The following ADAMTS2 variants were observed in gnomAD, a reference collection of about 807,000 sequenced individuals.
ADAMTS2 encodes ADAM metallopeptidase with thrombospondin type 1 motif 2, also known as A disintegrin and metalloproteinase with thrombospondin motifs 2.
ADAMTS2 carries 50 observed loss-of-function variants against 123.0 expected under a neutral mutation model. The observed-to-expected ratio is 0.41, with a 90% CI of 0.32 to 0.51. ADAMTS2 has a LOEUF of 0.51. Ranked by LOEUF, ADAMTS2 falls within the 20% of genes least tolerant of loss-of-function variation. ADAMTS2 has a pLI of 0.35. For missense variants in ADAMTS2, 1,494 were observed against 1,705.2 expected (o/e 0.88, Z 2.18); for synonymous variants, 678 against 695.4 (o/e 0.98, Z 0.39).
Position 179,261,650 on chromosome 5 carries a change from T to C in ADAMTS2, c.688+11261A>G, listed in dbSNP as rs995996302. 5.3e-5 allele frequency among the ~76,000 whole-genome samples: 8 copies of C among 152,344 alleles called. No individual in the cohort carries two copies. The South Asian group carries it at 6.2e-4, about 12-fold the overall frequency. The stretch of plus-strand genomic sequence containing the variant: ...CATTCCAGCTGTCTCGGGCAGCTTT[T>C]GTGTGGGGAACAGCTGGTAGCGCTG... On this transcript the variant is annotated intron_variant, in intron 3 of 21. Transcript: ENST00000251582.
chr5:179,254,576 G>GTCTT (rs1291440572), intron 3 of ADAMTS2, among the ~76,000 whole-genome samples: 9 of 152,252 alleles, frequency 5.9e-5, no homozygotes, highest in African/African-American at 2.2e-4. Flanking sequence ...CTTGTAGGAG[G>GTCTT]TCAGAAGAGG....
At chr5:179,143,429 GA>G (rs546474818) in intron 10 of ADAMTS2, among the ~76,000 whole-genome samples, 4,374 of 77,172 alleles carry the variant, frequency 0.057, 178 homozygotes, top group African/African-American at 0.17. Context: ...ACTCTGTCTC[GA>G]AAAAAAAAAA....
At chr5:179,246,722 C>CT (rs1765808028) in intron 3 of ADAMTS2, among the ~76,000 whole-genome samples, 1 of 152,190 alleles carries the variant, frequency 6.6e-6, no homozygotes, top group African/African-American at 2.4e-5. Flanking sequence ...CAGAACCAAT[C>CT]TACAAAGACG....
chr5:179,266,315 T>C (rs1166628805), intron 3 of ADAMTS2, among the ~76,000 whole-genome samples: 2 of 152,156 alleles, frequency 1.3e-5, no homozygotes, highest in Non-Finnish European at 2.9e-5. Flanking sequence ...TCAGGGGTCT[T>C]GAGATGGGGA....
rs1043508486 is a variant in ADAMTS2, at chr5:179,293,925, G to T, written c.535-20861C>A. Reference sequence around the variant, plus strand: ...GTGTGAGCCACCGCACCTGGCCAAGGTTTTTTTGTTTTTTTGTTTTTTTGT... The same window carrying T: ...GTGTGAGCCACCGCACCTGGCCAAGTTTTTTTTGTTTTTTTGTTTTTTTGT... On this transcript the variant is annotated intron_variant, in intron 2 of 21. Coordinates refer to ENST00000251582, the MANE Select transcript of ADAMTS2 (RefSeq NM_014244.5). 2.6e-5 allele frequency among the ~76,000 whole-genome samples: 4 copies of T among 151,718 alleles called. No individual in the cohort carries two copies. The East Asian group carries it at 5.9e-4, about 22-fold the overall frequency.
chr5:179,212,868 T>G (rs1014209455), intron 3 of ADAMTS2, among the ~76,000 whole-genome samples: 1 of 152,156 alleles, frequency 6.6e-6, no homozygotes, highest in South Asian at 2.1e-4. Flanking sequence ...CGCTGTCCCC[T>G]GTGCGAAGCT....
intron 10 of ADAMTS2, among the ~76,000 whole-genome samples, chr5:179,149,476 G>C (rs1485259095): frequency 2.0e-5 from 3 of 152,196 alleles, no homozygotes; most frequent in South Asian, 2.1e-4. Flanking sequence ...ACCGTGGAAG[G>C]CTGCGGCCGG....
rs1296876495 is a variant in ADAMTS2 at position 179,228,132 on chromosome 5, G to A, written c.689-20417C>T. Among the ~76,000 whole-genome samples the A allele has an allele frequency of 6.6e-6, 1 of 152,210 alleles. No individual in the cohort carries two copies. Among genetic ancestry groups the A allele is most frequent in the Non-Finnish European group, 1.5e-5 (1 of 68,022 alleles). ...AGACACCCATGAGACACTCAGGCAG[G>A]AGTGGTCTGGAGCACAGAGAGAGGG... On this transcript the variant is annotated intron_variant, in intron 3 of 21. Coordinates refer to ENST00000251582, the MANE Select transcript of ADAMTS2 (RefSeq NM_014244.5). This position sits in a 1 kb window ranked among gnomAD's most constrained non-coding sequence, Gnocchi z 5.2.
At chr5:179,261,846 G>A (rs763091346) in intron 3 of ADAMTS2, among the ~76,000 whole-genome samples, 7 of 152,150 alleles carry the variant, frequency 4.6e-5, no homozygotes, top group Non-Finnish European at 7.4e-5. Flanking sequence ...AAGCTGGACC[G>A]GTCCTGCTAG....
chr5:179,171,297 C>T (rs1029094015), intron 5 of ADAMTS2, among the ~76,000 whole-genome samples: 4 of 152,140 alleles, frequency 2.6e-5, no homozygotes, highest in East Asian at 1.9e-4. Flanking sequence ...GTCCCACAGA[C>T]GCTGCTCCCA....
At chr5:179,316,867 G>T (rs1304723071) in intron 2 of ADAMTS2, among the ~76,000 whole-genome samples, 1 of 152,202 alleles carries the variant, frequency 6.6e-6, no homozygotes, top group Non-Finnish European at 1.5e-5. Flanking sequence ...CCATGAACCA[G>T]GAGGTCAAGG....
At chr5:179,329,827 T>C (rs1757432042) in intron 2 of ADAMTS2, among the ~76,000 whole-genome samples, 1 of 152,066 alleles carries the variant, frequency 6.6e-6, no homozygotes, top group Non-Finnish European at 1.5e-5. Flanking sequence ...CCACCAGCCA[T>C]TAAAGAAACA....
Position 179,114,265 on chromosome 5 carries a change from A to G in ADAMTS2, c.3238T>C (p.Cys1080Arg). ...AGCTTGTTGTAGCCTGGGATGGAGCAATAGCGGGACAAGACTTCCATCCTA... is the reference window on the plus strand; with the variant it reads ...AGCTTGTTGTAGCCTGGGATGGAGCGATAGCGGGACAAGACTTCCATCCTA... ...FCRMEVLSRY[C>R]SIPGYNKLCC... Residue 1080 changes from cysteine to arginine, a missense_variant, in exon 22 of 22, where the codon TGC (cysteine) becomes CGC (arginine). By Grantham distance (180) the Cys-to-Arg change is radical. Coordinates refer to ENST00000251582, the MANE Select transcript of ADAMTS2 (RefSeq NM_014244.5). The G allele has an allele frequency of 6.2e-7, 1 of 1,614,186 alleles. No individual in the cohort carries two copies. Among genetic ancestry groups the G allele is most frequent in the South Asian group, 1.1e-5 (1 of 91,076 alleles).
intron 5 of ADAMTS2, among the ~76,000 whole-genome samples, chr5:179,167,584 C>G (rs1050442921): frequency 6.6e-6 from 1 of 151,990 alleles, no homozygotes; most frequent in African/African-American, 2.4e-5. Context: ...TGGAACCGCG[C>G]CCGCCCCGCC....
At chr5:179,327,640 C>G (rs1395355973) in intron 2 of ADAMTS2, among the ~76,000 whole-genome samples, 2 of 152,138 alleles carry the variant, frequency 1.3e-5, no homozygotes, top group African/African-American at 2.4e-5. Context: ...AAAGGAAAGC[C>G]GTGCCACCGT....
At chr5:179,147,611 G>C (rs1763274545) in intron 10 of ADAMTS2, among the ~76,000 whole-genome samples, 1 of 152,208 alleles carries the variant, frequency 6.6e-6, no homozygotes, top group African/African-American at 2.4e-5. Flanking sequence ...ATTCTGCAAT[G>C]ACCCTAGATG....
chr5:179,228,091 G>C lies in ADAMTS2; in HGVS notation c.689-20376C>G, dbSNP rs1765328442. On this transcript the variant is annotated intron_variant, in intron 3 of 21. Coordinates refer to ENST00000251582, the MANE Select transcript of ADAMTS2 (RefSeq NM_014244.5). The surrounding 1 kb of genome is among the most constrained non-coding windows in gnomAD (Gnocchi z 5.2). ...TGGGGCGTGTTGGGCTGAGATTTCT[G>C]TGGGGACACAAGGACAGACACCCAT... Among the ~76,000 whole-genome samples the C allele has an allele frequency of 6.6e-6, 1 of 152,160 alleles. No individual in the cohort carries two copies. Among genetic ancestry groups the C allele is most frequent in the Non-Finnish European group, 1.5e-5 (1 of 68,026 alleles).
intron 4 of ADAMTS2, among the ~76,000 whole-genome samples, chr5:179,205,684 T>C (rs1035989852): frequency 5.3e-5 from 8 of 152,208 alleles, no homozygotes; most frequent in African/African-American, 1.9e-4. Flanking sequence ...TAATTTAGCA[T>C]GGCAAGTGCC....
intron 4 of ADAMTS2, among the ~76,000 whole-genome samples, chr5:179,205,889 A>C (rs1764676785): frequency 6.6e-6 from 1 of 151,926 alleles, no homozygotes; most frequent in South Asian, 2.1e-4. Flanking sequence ...CTCCTGCCTC[A>C]GCCTCCTGAG....
Sources: allele counts gnomAD v4.1 joint callset (sites outside exome capture counted in the v4.1 genomes callset), GRCh38; gene constraint gnomAD v4.1.1; non-coding constraint Gnocchi (gnomAD v3.1); transcripts MANE v1.5; gene names NCBI Gene and HGNC (gene_info 2026-07-23, HGNC 2026-07-21).